Variants in CTNND2 observed in about 807,000 individuals in gnomAD.
CTNND2 encodes catenin delta-2.
A neutral mutation model predicts 144.4 loss-of-function variants in CTNND2; 22 were observed. The ratio of observed to expected loss-of-function variants is 0.15; its 90% CI spans 0.11 to 0.22. The LOEUF (loss-of-function observed/expected upper bound fraction) is 0.22, where lower values mean the gene tolerates loss of function less well. Ranked by LOEUF, CTNND2 falls within the 10% of genes least tolerant of loss-of-function variation. The pLI is 1.00. For synonymous variants in CTNND2, 751 were observed against 695.6 expected (o/e 1.08, Z -1.25); for missense variants, 1,353 against 1,618.8 (o/e 0.84, Z 2.82).
rs368963579 is a variant in CTNND2, at chr5:11,674,716, T to TTTGTTTGGTTGGTTGGTTGG, written c.174+57419_174+57420insCCAACCAACCAACCAAACAA. 6.8e-3 allele frequency among the ~76,000 whole-genome samples: 1,027 copies of TTTGTTTGGTTGGTTGGTTGG among 150,980 alleles called. 9 individuals are homozygous for TTTGTTTGGTTGGTTGGTTGG. Among genetic ancestry groups the TTTGTTTGGTTGGTTGGTTGG allele is most frequent in the African/African-American group, 0.024 (961 of 40,864 alleles). Reference sequence around the variant, plus strand: ...CATATGCAGTTTTTTTGTTTGTTTGTTTGGTTGGTTGGTTGGTTGGTTGGT... The same window carrying TTTGTTTGGTTGGTTGGTTGG: ...CATATGCAGTTTTTTTGTTTGTTTGTTTGTTTGGTTGGTTGGTTGGTTGGTTGGTTGGTTGGTTGGTTGGT... On this transcript the variant is annotated intron_variant, in intron 2 of 21. Transcript: ENST00000304623.
chr5:11,824,759 C>A (rs1793512132), intron 1 of CTNND2, among the ~76,000 whole-genome samples: 1 of 152,130 alleles, frequency 6.6e-6, no homozygotes, highest in African/African-American at 2.4e-5. Flanking sequence ...TCATAAGCCA[C>A]AACACTTTAC....
At chr5:11,538,296 GGACAC>G (rs1774406476) in intron 3 of CTNND2, among the ~76,000 whole-genome samples, 1 of 152,194 alleles carries the variant, frequency 6.6e-6, no homozygotes, top group Non-Finnish European at 1.5e-5. Flanking sequence ...GGTCTTTGCA[GGACAC>G]TCAGCAAAGC....
intron 2 of CTNND2, among the ~76,000 whole-genome samples, chr5:11,699,274 G>A (rs1785299345): frequency 6.6e-6 from 1 of 152,122 alleles, no homozygotes; most frequent in Non-Finnish European, 1.5e-5. Context: ...GAGGCCAAGA[G>A]TCCACGGGGA....
intron 3 of CTNND2, among the ~76,000 whole-genome samples, chr5:11,550,714 C>T (rs551086771): frequency 3.3e-5 from 5 of 152,300 alleles, no homozygotes; most frequent in Admixed American, 3.3e-4. Flanking sequence ...ACAGCAATCT[C>T]TGAAATTTAA....
intron 16 of CTNND2, among the ~76,000 whole-genome samples, chr5:11,040,399 T>C (rs1461575392): frequency 1.3e-5 from 2 of 152,236 alleles, no homozygotes; most frequent in Non-Finnish European, 2.9e-5. Context: ...GGCAGAATCT[T>C]ACAGGTTTAT....
intron 7 of CTNND2, among the ~76,000 whole-genome samples, chr5:11,373,097 C>T (rs951565925): frequency 2.6e-5 from 4 of 152,272 alleles, no homozygotes; most frequent in African/African-American, 9.6e-5. Flanking sequence ...GCCATGACAA[C>T]TGTGACCATT....
intron 12 of CTNND2, among the ~76,000 whole-genome samples, chr5:11,120,346 T>C (rs939723311): frequency 4.5e-4 from 67 of 150,268 alleles, no homozygotes; most frequent in African/African-American, 1.5e-3. Flanking sequence ...TCAGTATACA[T>C]ATAGACTTCA....
chr5:11,765,676 T>G (rs933348358), intron 1 of CTNND2, among the ~76,000 whole-genome samples: 1 of 152,154 alleles, frequency 6.6e-6, no homozygotes, highest in African/African-American at 2.4e-5. Flanking sequence ...TGGGGTCGTC[T>G]GTGTATGCAA....
Position 11,580,495 on chromosome 5 carries a change from G to A in CTNND2, c.175-15439C>T, listed in dbSNP as rs543782767. On this transcript the variant is annotated intron_variant, in intron 2 of 21. Transcript: ENST00000304623. Reference sequence around the variant, plus strand: ...CAGAAAAATGGGTACTGCATATATTGTTATGTCTTTTCTAGAGTTTTACAT... The same window carrying A: ...CAGAAAAATGGGTACTGCATATATTATTATGTCTTTTCTAGAGTTTTACAT... Among the ~76,000 whole-genome samples, 6 of 152,228 alleles carry A rather than the reference G, an allele frequency of 3.9e-5. No homozygotes were observed. The East Asian group carries it at 1.2e-3, about 29-fold the overall frequency.
At chr5:11,846,754 A>G (rs1307709228) in intron 1 of CTNND2, among the ~76,000 whole-genome samples, 1 of 152,096 alleles carries the variant, frequency 6.6e-6, no homozygotes, top group Admixed American at 6.6e-5. Context: ...AGCAAAAATA[A>G]GCAAATAATC....
chr5:11,195,090 A>C (rs1334445627), intron 11 of CTNND2, among the ~76,000 whole-genome samples: 6 of 152,208 alleles, frequency 3.9e-5, no homozygotes, highest in Non-Finnish European at 8.8e-5. Context: ...AGACAAAAGA[A>C]TTATTTTAAA....
At chr5:11,081,223 G>C (rs888144454) in intron 16 of CTNND2, among the ~76,000 whole-genome samples, 1 of 98,314 alleles carries the variant, frequency 1.0e-5, no homozygotes, top group African/African-American at 4.1e-5. Flanking sequence ...TTTCACTTGA[G>C]AAGAACAGAT....
chr5:11,084,452 T>C (rs945734679), intron 15 of CTNND2, among the ~76,000 whole-genome samples: 1 of 152,234 alleles, frequency 6.6e-6, no homozygotes, highest in African/African-American at 2.4e-5. Flanking sequence ...GCCCACTTAA[T>C]CCTGGGATCT....
intron 12 of CTNND2, among the ~76,000 whole-genome samples, chr5:11,129,269 A>AT (rs1755287653): frequency 4.4e-5 from 3 of 67,760 alleles, no homozygotes; most frequent in African/African-American, 1.5e-4. Context: ...ATAAATATAT[A>AT]AATATATATT....
chr5:10,986,314 G>T (rs1380675971), intron 20 of CTNND2, among the ~76,000 whole-genome samples: 1 of 152,194 alleles, frequency 6.6e-6, no homozygotes, highest in African/African-American at 2.4e-5. Context: ...CACACCTGAA[G>T]GCCTTTTGAA....
At position 11,110,933 on chromosome 5, in the gene CTNND2, G is replaced by T. The variant is rs754729457; in HGVS notation, c.2388C>A (p.Gly796=). Reference sequence around the variant, plus strand: ...TCTCAGCATCCTTGCCATTGGCCTCGCCACAGAGTAGCCCGTCCAGCTCGT... The same window carrying T: ...TCTCAGCATCCTTGCCATTGGCCTCTCCACAGAGTAGCCCGTCCAGCTCGT... ...GTDELDGLLC[G]EANGKDAESS... The change falls in exon 14 of 22, where the codon GGC becomes GGA. Residue 796 remains glycine (G), a synonymous_variant. Coordinates refer to ENST00000304623, the MANE Select transcript of CTNND2 (RefSeq NM_001332.4). 5.0e-6 allele frequency: 8 copies of T among 1,613,902 alleles called. No individual in the cohort carries two copies. In the Admixed American group the frequency reaches 6.7e-5, roughly 13 times the overall value.
intron 1 of CTNND2, among the ~76,000 whole-genome samples, chr5:11,800,308 G>C (rs1309312129): frequency 6.6e-6 from 1 of 152,002 alleles, no homozygotes; most frequent in Non-Finnish European, 1.5e-5. Context: ...GATTCAATAC[G>C]ATATGGTTTA....
At chr5:11,581,140 A>T (rs1778395725) in intron 2 of CTNND2, among the ~76,000 whole-genome samples, 1 of 152,182 alleles carries the variant, frequency 6.6e-6, no homozygotes, top group South Asian at 2.1e-4. Context: ...CCTGAATTCA[A>T]CTATAAATTT....
At chr5:11,244,976 A>G (rs543271395) in intron 9 of CTNND2, among the ~76,000 whole-genome samples, 5 of 152,380 alleles carry the variant, frequency 3.3e-5, no homozygotes, top group African/African-American at 9.6e-5. Context: ...GACAAATTAT[A>G]TATGAGATAA....
Sources: allele counts gnomAD v4.1 joint callset (sites outside exome capture counted in the v4.1 genomes callset), GRCh38; gene constraint gnomAD v4.1.1; transcripts MANE v1.5; gene names NCBI Gene and HGNC (gene_info 2026-07-23, HGNC 2026-07-21).